The following ASPSCR1 variants were observed in gnomAD, a reference collection of about 807,000 sequenced individuals.
ASPSCR1 encodes ASPSCR1 tether for SLC2A4, UBX domain containing, also known as tether containing UBX domain for GLUT4.
ASPSCR1 carries 55 observed loss-of-function variants against 68.9 expected under a neutral mutation model. The ratio of observed to expected loss-of-function variants is 0.80; its 90% confidence interval spans 0.64 to 1.00. The LOEUF (loss-of-function observed/expected upper bound fraction) is 1.00. Ranked by LOEUF, ASPSCR1 falls within the 50% of genes least tolerant of loss-of-function variation. ASPSCR1 has a pLI of 0.00. For synonymous variants in ASPSCR1, 352 were observed against 332.6 expected (o/e 1.06, Z -0.63); for missense variants, 765 against 762.2 (o/e 1.00, Z -0.04).
At chr17:81,997,488 T>G (rs7222954) in intron 7 of ASPSCR1, among the ~76,000 whole-genome samples, 15,937 of 134,038 alleles carry the variant, frequency 0.12, 1,413 homozygotes, top group African/African-American at 0.26. Context: ...TTTTTCTGGG[T>G]TTTTTTTTTT....
intron 4 of ASPSCR1, among the ~76,000 whole-genome samples, chr17:81,985,992 G>A (rs941758728): frequency 1.2e-4 from 19 of 152,114 alleles, no homozygotes; most frequent in African/African-American, 3.9e-4. Flanking sequence ...AAGAGGCAGG[G>A]TCTCACTATG....
At chr17:82,003,107 G>A (rs1192834560) in intron 7 of ASPSCR1, among the ~76,000 whole-genome samples, 3 of 149,102 alleles carry the variant, frequency 2.0e-5, no homozygotes, top group East Asian at 2.0e-4. Context: ...CTTGGCCTCC[G>A]AAAGAGCTGG....
Position 81,990,371 on chromosome 17 carries a change from C to T in ASPSCR1, c.375-4450C>T, listed in dbSNP as rs2042121256. On this transcript the variant is annotated intron_variant, in intron 4 of 15. Transcript: ENST00000306739. The surrounding 1 kb of genome is among the most constrained non-coding windows in gnomAD (Gnocchi z 4.1). ...GGAGACAGAGGCTGCACACTGCTGG[C>T]TTCGAGCTTTCCCATTTTCCCTATA... is the stretch of plus-strand genomic sequence containing the variant. Among the ~76,000 whole-genome samples, 1 of 152,210 alleles carries T rather than the reference C, an allele frequency of 6.6e-6. No homozygotes were observed. The highest frequency in any genetic ancestry group is 1.5e-5 in the Non-Finnish European group (1 of 68,044).
chr17:81,987,809 T>C lies in ASPSCR1; in HGVS notation c.374+2202T>C, dbSNP rs1489238547. 6.6e-6 allele frequency among the ~76,000 whole-genome samples: 1 copy of C among 151,214 alleles called. No homozygotes were observed. The highest frequency in any genetic ancestry group is 1.5e-5 in the Non-Finnish European group (1 of 67,850). Reference sequence around the variant, plus strand: ...TTGCAGTGAGCCGAGATCGCACCATTGCACTCTAGCCTGGGTGACAAGAGC... The same window carrying C: ...TTGCAGTGAGCCGAGATCGCACCATCGCACTCTAGCCTGGGTGACAAGAGC... On this transcript the variant is annotated intron_variant, in intron 4 of 15. Coordinates refer to ENST00000306739, the MANE Select transcript of ASPSCR1 (RefSeq NM_024083.4). The surrounding 1 kb of genome is among the most constrained non-coding windows in gnomAD (Gnocchi z 5.6).
At chr17:82,015,128 G>A (rs1189043369) in intron 12 of ASPSCR1, 1 of 1,598,306 alleles carries the variant, frequency 6.3e-7, no homozygotes. Flanking sequence ...CGCTGAAACG[G>A]TGCCTGGGAC....
chr17:82,001,542 G>A (rs2042531136), intron 7 of ASPSCR1, among the ~76,000 whole-genome samples: 1 of 152,196 alleles, frequency 6.6e-6, no homozygotes, highest in African/African-American at 2.4e-5. Context: ...CTGTTTAGAA[G>A]CCTGGTGACT....
At position 81,987,886 on chromosome 17, in the gene ASPSCR1, A is replaced by ATGC. The variant is rs1404754567; in HGVS notation, c.374+2279_374+2280insTGC. Among the ~76,000 whole-genome samples the ATGC allele has an allele frequency of 6.6e-6, 1 of 152,122 alleles. No individual in the cohort carries two copies. Among genetic ancestry groups the ATGC allele is most frequent in the Non-Finnish European group, 1.5e-5 (1 of 68,022 alleles). ...AACAAAAGAAACAACAAGGCTGGGC[A>ATGC]CGGTGGCTCACACCTGTAATCGCAG... On this transcript the variant is annotated intron_variant, in intron 4 of 15. Transcript: ENST00000306739. This position sits in a 1 kb window ranked among gnomAD's most constrained non-coding sequence, Gnocchi z 5.6.
rs145575872 is a variant in ASPSCR1, at chr17:81,997,367, G to C, written c.933+521G>C. Reference sequence around the variant, plus strand: ...TTCCGGGTTATGGCCAGGGAAGGGGGAGCTGGTGAACGCATCAGCCAGTCT... The same window carrying C: ...TTCCGGGTTATGGCCAGGGAAGGGGCAGCTGGTGAACGCATCAGCCAGTCT... On this transcript the variant is annotated intron_variant, in intron 7 of 15. Coordinates refer to ENST00000306739, the MANE Select transcript of ASPSCR1 (RefSeq NM_024083.4). Among the ~76,000 whole-genome samples the C allele has an allele frequency of 5.9e-3, 892 of 152,226 alleles. 3 individuals carry two copies. The highest frequency in any genetic ancestry group is 0.014 in the Middle Eastern group (4 of 294).
intron 10 of ASPSCR1, among the ~76,000 whole-genome samples, chr17:82,011,154 C>A (rs1049570529): frequency 6.6e-6 from 1 of 152,136 alleles, no homozygotes; most frequent in African/African-American, 2.4e-5. Context: ...CAGAGGGGCA[C>A]CCAGAGGAAG....
chr17:81,996,568 G>C lies in ASPSCR1; in HGVS notation c.655G>C (p.Asp219His). Residue 219 changes from aspartate to histidine, a missense_variant, in exon 7 of 16, where the codon GAC becomes CAC. Coordinates refer to ENST00000306739, the MANE Select transcript of ASPSCR1 (RefSeq NM_024083.4). Reference sequence around the variant, plus strand: ...CGACTTGAGCCGTCCGGAGGACGCGGACACCTCAGGGCCCTGCTGCGAGCA... The same window carrying C: ...CGACTTGAGCCGTCCGGAGGACGCGCACACCTCAGGGCCCTGCTGCGAGCA... ...RGDLSRPEDA[D>H]TSGPCCEHTQ... 6.2e-7 allele frequency: 1 copy of C among 1,613,022 alleles called. No individual in the cohort carries two copies. The highest frequency in any genetic ancestry group is 8.5e-7 in the Non-Finnish European group (1 of 1,179,582).
At chr17:82,003,853 C>T (rs372738512) in intron 7 of ASPSCR1, among the ~76,000 whole-genome samples, 9 of 152,234 alleles carry the variant, frequency 5.9e-5, no homozygotes, top group Admixed American at 6.5e-5. Context: ...CGAGGGTGGC[C>T]GGGGCGCTGA....
At chr17:81,982,721 T>C (rs960461920) in intron 2 of ASPSCR1, 1 of 147,330 alleles carries the variant, frequency 6.8e-6, no homozygotes, top group African/African-American at 2.4e-5. Context: ...TCTTTTCTTT[T>C]CTTTCTTTTT....
intron 7 of ASPSCR1, among the ~76,000 whole-genome samples, chr17:82,004,114 A>G (rs980997968): frequency 6.6e-6 from 1 of 152,184 alleles, no homozygotes; most frequent in African/African-American, 2.4e-5. Context: ...ATTACTGTCA[A>G]GAAAAGGAGA....
Position 82,016,869 on chromosome 17 carries a change from G to T in ASPSCR1, c.1475G>T (p.Arg492Met), listed in dbSNP as rs1348009471. The change falls in exon 14 of 16, where the codon AGG becomes ATG. Residue 492 changes from arginine to methionine, a missense_variant and splice_region_variant. Arg to Met is a moderately conservative substitution (Grantham distance 91, BLOSUM62 -1). Coordinates refer to ENST00000306739, the MANE Select transcript of ASPSCR1 (RefSeq NM_024083.4). ...SPSAADVLVARYMSRAAGSPS... is the reference protein window; with the variant it reads ...SPSAADVLVAMYMSRAAGSPS... ...TCTGCGGCCGATGTGCTGGTGGCCA[G>T]GTAAGTGCCGGTGGGTCTGGGGGCA... 2 of 1,612,442 alleles carry T rather than the reference G, an allele frequency of 1.2e-6. No homozygotes were observed. Among genetic ancestry groups the T allele is most frequent in the Non-Finnish European group, 1.7e-6 (2 of 1,179,974 alleles).
chr17:81,995,586 G>A (rs2042309892), intron 5 of ASPSCR1: 3 of 378,228 alleles, frequency 7.9e-6, no homozygotes, highest in Admixed American at 4.3e-5. Flanking sequence ...AGCCAGGCCC[G>A]ATCCCTGCCC....
chr17:82,016,630 G>A, intron 13 of ASPSCR1, 103 bp downstream of exon 13: 2 of 1,492,928 alleles, frequency 1.3e-6, no homozygotes, highest in Non-Finnish European at 1.8e-6. Context: ...CCTCCTTTGG[G>A]TCTGAGAGGG....
chr17:82,010,505 G>A lies in ASPSCR1; in HGVS notation c.1171-297G>A, dbSNP rs1461923125. Among the ~76,000 whole-genome samples, 6 of 149,376 alleles carry A rather than the reference G, an allele frequency of 4.0e-5. No homozygotes were observed. The East Asian group carries it at 9.9e-4, about 25-fold the overall frequency. On this transcript the variant is annotated intron_variant, in intron 9 of 15. Transcript: ENST00000306739. ...GATCATGCCACTGCACTCCAGCCTGGGCGACAGAGTGAGACTCCATCTCAA... is the reference window on the plus strand; with the variant it reads ...GATCATGCCACTGCACTCCAGCCTGAGCGACAGAGTGAGACTCCATCTCAA...
At chr17:82,014,447 G>C (rs1242343115) in intron 12 of ASPSCR1, 5 of 154,974 alleles carry the variant, frequency 3.2e-5, no homozygotes, top group African/African-American at 1.2e-4. Flanking sequence ...AGGCACCGTG[G>C]TGCCTTCTCT....
chr17:81,988,998 A>G (rs536323800), intron 4 of ASPSCR1, among the ~76,000 whole-genome samples: 21 of 152,280 alleles, frequency 1.4e-4, no homozygotes, highest in African/African-American at 5.1e-4. Flanking sequence ...ACCTGAGGTC[A>G]GGAGTTTGAG....
Sources: allele counts gnomAD v4.1 joint callset (sites outside exome capture counted in the v4.1 genomes callset), GRCh38; gene constraint gnomAD v4.1.1; non-coding constraint Gnocchi (gnomAD v3.1); transcripts MANE v1.5; gene names NCBI Gene and HGNC (gene_info 2026-07-23, HGNC 2026-07-21).